SPIDR: variants seen among roughly 807,000 people sequenced by gnomAD.
SPIDR encodes scaffold protein involved in DNA repair, also known as DNA repair-scaffolding protein.
Under a neutral mutation model 104.6 loss-of-function variants are expected in SPIDR, and 93 were observed. The observed-to-expected ratio is 0.89, with a 90% CI of 0.75 to 1.06. The LOEUF is 1.06. SPIDR is among the 50% of genes least tolerant of loss of function. SPIDR has a pLI of 0.00. For missense variants in SPIDR, 1,154 were observed against 1,111.2 expected (o/e 1.04, Z -0.55); for synonymous variants, 431 against 416.9 (o/e 1.03, Z -0.41).
chr8:47,675,674 G>A lies in SPIDR; in HGVS notation c.1685+1733G>A, dbSNP rs551747085. 3.3e-5 allele frequency among the ~76,000 whole-genome samples: 5 copies of A among 152,192 alleles called. No homozygotes were observed. In the East Asian group the frequency reaches 9.7e-4, roughly 29 times the overall value. ...AAAAATAAAAAATAAAAATTAGCTG[G>A]GCATGGTGGCACATGCCTGTAGTCC... On this transcript the variant is annotated intron_variant, in intron 11 of 19. Coordinates refer to ENST00000297423, the MANE Select transcript of SPIDR (RefSeq NM_001080394.4).
At chr8:47,408,714 GC>G (rs1232794733) in intron 7 of SPIDR, among the ~76,000 whole-genome samples, 2 of 151,792 alleles carry the variant, frequency 1.3e-5, no homozygotes, top group African/African-American at 4.8e-5. Flanking sequence ...CCCTGCCCCT[GC>G]CAAAAAAAAG....
intron 8 of SPIDR, among the ~76,000 whole-genome samples, chr8:47,521,183 C>T (rs1444469215): frequency 1.3e-5 from 2 of 152,096 alleles, no homozygotes; most frequent in African/African-American, 4.8e-5. Flanking sequence ...GGGAGCTGTT[C>T]CAAGGCAAAG....
chr8:47,475,526 C>G (rs2076181451), intron 8 of SPIDR, among the ~76,000 whole-genome samples: 1 of 152,208 alleles, frequency 6.6e-6, no homozygotes, highest in Admixed American at 6.5e-5. Flanking sequence ...AGAGTAATTT[C>G]TATTACAATA....
At chr8:47,529,880 G>A (rs554547405) in intron 8 of SPIDR, among the ~76,000 whole-genome samples, 1 of 152,094 alleles carries the variant, frequency 6.6e-6, no homozygotes, top group African/African-American at 2.4e-5. Flanking sequence ...ATTTAAAAGT[G>A]GACTTGAATT....
In SPIDR at chr8:47,375,535, G is replaced by A. The variant is rs10283335; in HGVS notation, c.526-20841G>A. 5.3e-3 allele frequency among the ~76,000 whole-genome samples: 804 copies of A among 152,166 alleles called. 9 individuals are homozygous for A. Among genetic ancestry groups the A allele is most frequent in the African/African-American group, 0.018 (764 of 41,532 alleles). Reference sequence around the variant, plus strand: ...CATTACAGGCATGAGCCACTGCGCCGGCTGTTAATAGCTATTAAGAAAACA... The same window carrying A: ...CATTACAGGCATGAGCCACTGCGCCAGCTGTTAATAGCTATTAAGAAAACA... On this transcript the variant is annotated intron_variant, in intron 5 of 19. Coordinates refer to ENST00000297423, the MANE Select transcript of SPIDR (RefSeq NM_001080394.4).
At chr8:47,698,375 C>A (rs1052221062) in intron 11 of SPIDR, among the ~76,000 whole-genome samples, 10 of 152,194 alleles carry the variant, frequency 6.6e-5, no homozygotes, top group Non-Finnish European at 1.0e-4. Context: ...CTATGCCCAG[C>A]AGAGGCGGGA....
At chr8:47,294,290 C>A in intron 5 of SPIDR, 1 of 379,720 alleles carries the variant, frequency 2.6e-6, no homozygotes, top group East Asian at 4.9e-5. Flanking sequence ...TCCTGCTATT[C>A]TTCCAGTGCA....
chr8:47,473,831 T>A (rs1360579325), intron 8 of SPIDR, among the ~76,000 whole-genome samples: 1 of 152,162 alleles, frequency 6.6e-6, no homozygotes, highest in Non-Finnish European at 1.5e-5. Context: ...GGATGGGAAT[T>A]TGTATGCTAG....
At chr8:47,428,693 T>A (rs2066838547) in intron 7 of SPIDR, among the ~76,000 whole-genome samples, 1 of 152,222 alleles carries the variant, frequency 6.6e-6, no homozygotes, top group Non-Finnish European at 1.5e-5. Flanking sequence ...GGTCAGCATC[T>A]TTTAAAAAGT....
At chr8:47,689,456 G>C (rs182209473) in intron 11 of SPIDR, among the ~76,000 whole-genome samples, 1 of 152,348 alleles carries the variant, frequency 6.6e-6, no homozygotes, top group East Asian at 1.9e-4. Flanking sequence ...ATAAGTCTCA[G>C]AAGCAGATAT....
chr8:47,614,203 C>T (rs528353377), intron 10 of SPIDR, among the ~76,000 whole-genome samples: 1 of 152,012 alleles, frequency 6.6e-6, no homozygotes, highest in South Asian at 2.1e-4. Flanking sequence ...GACATGATCT[C>T]GTTCCTTCTT....
At chr8:47,518,846 A>G (rs1385007786) in intron 8 of SPIDR, among the ~76,000 whole-genome samples, 2 of 152,094 alleles carry the variant, frequency 1.3e-5, no homozygotes, top group East Asian at 1.9e-4. Flanking sequence ...TGTGTTAGCC[A>G]GGATGGTCTC....
intron 8 of SPIDR, among the ~76,000 whole-genome samples, chr8:47,486,251 C>G (rs1250984798): frequency 6.6e-6 from 1 of 152,092 alleles, no homozygotes; most frequent in African/African-American, 2.4e-5. Context: ...GAAAAGGTAT[C>G]AGAGACTGGA....
chr8:47,688,016 A>AGTGTGTGTGT (rs141582845), intron 11 of SPIDR, among the ~76,000 whole-genome samples: 16,270 of 145,596 alleles, frequency 0.11, 1,176 homozygotes, highest in Admixed American at 0.21. Flanking sequence ...AAAAAAAAAA[A>AGTGTGTGTGT]GTGTGTGTGT....
chr8:47,313,950 A>G (rs1271286335), intron 5 of SPIDR, among the ~76,000 whole-genome samples: 2 of 152,266 alleles, frequency 1.3e-5, no homozygotes, highest in African/African-American at 4.8e-5. Context: ...AGATACTTCA[A>G]GCTGAAGGAA....
chr8:47,501,627 C>A (rs1199036257), intron 8 of SPIDR, among the ~76,000 whole-genome samples: 6 of 152,078 alleles, frequency 3.9e-5, no homozygotes, highest in Non-Finnish European at 1.5e-5. Context: ...TAATTGAATA[C>A]CCTTTATTTC....
chr8:47,598,260 G>A (rs1453922881), intron 9 of SPIDR, among the ~76,000 whole-genome samples: 1 of 152,204 alleles, frequency 6.6e-6, no homozygotes, highest in Non-Finnish European at 1.5e-5. Flanking sequence ...TTCAAATCCT[G>A]CCTCAGCCAC....
At chr8:47,355,427 CA>C (rs1398019819) in intron 5 of SPIDR, among the ~76,000 whole-genome samples, 19 of 151,620 alleles carry the variant, frequency 1.3e-4, no homozygotes, top group African/African-American at 4.6e-4. Context: ...GCCTAGCCTA[CA>C]GTTGCTCACC....
chr8:47,597,131 A>G (rs1362581548), intron 9 of SPIDR, among the ~76,000 whole-genome samples: 1 of 152,278 alleles, frequency 6.6e-6, no homozygotes, highest in East Asian at 1.9e-4. Flanking sequence ...CAGTAAATAC[A>G]TAAGCCAGTA....
Sources: gnomAD v4.1 joint callset for allele counts (sites outside exome capture counted in the v4.1 genomes callset) on GRCh38, gnomAD v4.1.1 for gene constraint, MANE v1.5 for transcripts, NCBI Gene and HGNC (gene_info 2026-07-23, HGNC 2026-07-21) for gene names.